Variants in TOP2B observed in about 807,000 individuals in gnomAD.
The protein encoded by TOP2B is DNA topoisomerase 2-beta.
In TOP2B, 51 loss-of-function variants were observed where a neutral mutation model predicts 193.5. That is an observed-to-expected ratio of 0.26 (90% CI 0.21 to 0.33). TOP2B has a LOEUF of 0.33. TOP2B is among the 10% of genes least tolerant of loss of function. TOP2B has a pLI of 1.00. For missense variants in TOP2B, 1,378 were observed against 1,909.3 expected, an observed-to-expected ratio of 0.72 and a Z score of 5.19; for synonymous variants, 634 against 635.7, an observed-to-expected ratio of 1.00 and a Z score of 0.04.
chr3:25,615,384 A>G (rs981852791), intron 26 of TOP2B, 47 bp downstream of exon 26: 10 of 1,537,820 alleles, frequency 6.5e-6, no homozygotes, highest in African/African-American at 4.2e-5. Context: ...AAAGATACAG[A>G]TAACACTGAA....
chr3:25,630,520 G>A, intron 11 of TOP2B, 51 bp from the exon 12 acceptor site: 3 of 1,403,926 alleles, frequency 2.1e-6, no homozygotes, highest in South Asian at 1.4e-5. Context: ...TACTTTCACT[G>A]ATGAGAAAAA....
intron 4 of TOP2B, among the ~76,000 whole-genome samples, chr3:25,639,177 A>T (rs1703187718): frequency 6.6e-6 from 1 of 152,216 alleles, no homozygotes; most frequent in Non-Finnish European, 1.5e-5. Flanking sequence ...TAAAAAAAGA[A>T]ATGTCTACAT....
intron 1 of TOP2B, among the ~76,000 whole-genome samples, chr3:25,663,916 T>C (rs2125416262): frequency 6.6e-6 from 1 of 150,826 alleles, no homozygotes; most frequent in Admixed American, 6.6e-5. Context: ...CAGGTTCGGC[T>C]GCCCCGGAAG....
At chr3:25,625,640 G>A (rs1046854484) in intron 18 of TOP2B, among the ~76,000 whole-genome samples, 4 of 152,096 alleles carry the variant, frequency 2.6e-5, no homozygotes, top group South Asian at 2.1e-4. Context: ...TAGTGTTAGT[G>A]TATTTTTACA....
intron 10 of TOP2B, among the ~76,000 whole-genome samples, chr3:25,631,985 G>C (rs947685702): frequency 6.6e-6 from 1 of 151,966 alleles, no homozygotes; most frequent in African/African-American, 2.4e-5. Flanking sequence ...CCTTATTTTA[G>C]AGAAGTTAAG....
intron 4 of TOP2B, among the ~76,000 whole-genome samples, chr3:25,640,752 C>CTTTTTTTTTTTT (rs372465937): frequency 1.9e-5 from 2 of 106,996 alleles, no homozygotes; most frequent in Non-Finnish European, 3.8e-5. Flanking sequence ...TCTTCGTTGT[C>CTTTTTTTTTTTT]TTTTTTTTTT....
chr3:25,629,047 A>C lies in TOP2B; in HGVS notation c.1788T>G (p.Thr596=). The C allele has an allele frequency of 6.3e-7, 1 of 1,595,520 alleles. No individual in the cohort carries two copies. The highest frequency in any genetic ancestry group is 8.5e-7 in the Non-Finnish European group (1 of 1,171,038). Residue 596 remains threonine, a synonymous_variant, in exon 14 of 36, where the codon ACT becomes ACG. Coordinates refer to ENST00000264331, the MANE Select transcript of TOP2B (RefSeq NM_001330700.2). ...ATGCAAAGAGTACCTTTACAATAGG[A>C]GTAATGAACTCTTCAAGAAAACCAT... The part of the protein sequence containing the change: ...LKHGFLEEFI[T]PIVKASKNKQ...
chr3:25,609,487 A>G, intron 29 of TOP2B, 81 bp downstream of exon 29: 2 of 1,507,844 alleles, frequency 1.3e-6, no homozygotes, highest in Non-Finnish European at 1.8e-6. Context: ...CCAGAAAAAG[A>G]GCACAATCAA....
chr3:25,609,864 A>G (rs576208495), intron 28 of TOP2B, among the ~76,000 whole-genome samples, 152 bp from the exon 29 acceptor site: 54 of 152,346 alleles, frequency 3.5e-4, no homozygotes, highest in Non-Finnish European at 6.0e-4. Context: ...TGATCAGACC[A>G]TGTTTTACTT....
At chr3:25,647,828 A>G (rs1310167075) in intron 1 of TOP2B, among the ~76,000 whole-genome samples, 2 of 152,226 alleles carry the variant, frequency 1.3e-5, no homozygotes, top group Non-Finnish European at 2.9e-5. Flanking sequence ...TCTAAAAAAA[A>G]CAGGTAACAT....
At chr3:25,612,473 A>G (rs755538950) in intron 28 of TOP2B, 42 bp downstream of exon 28, 2 of 1,450,888 alleles carry the variant, frequency 1.4e-6, no homozygotes, top group South Asian at 2.8e-5. Flanking sequence ...CATATATTTC[A>G]TTATAGAAAT....
In TOP2B at chr3:25,630,170, A is replaced by G. The variant is rs1194070319; in HGVS notation, c.1564-16T>C. 4 of 1,536,338 alleles carry G rather than the reference A, an allele frequency of 2.6e-6. No individual in the cohort carries two copies. The highest frequency in any genetic ancestry group is 4.9e-5 in the East Asian group (2 of 40,880). ...TTTCCATGATCTGTTCAAAAAGGAA[A>G]AGCACTGAGAGTAGTTTGAAGTGTT... On this transcript the variant is annotated splice_polypyrimidine_tract_variant and intron_variant, in intron 12 of 35. Transcript: ENST00000264331.
chr3:25,599,244 A>C (rs987564850), intron 35 of TOP2B, among the ~76,000 whole-genome samples, 191 bp downstream of exon 35: 6 of 152,164 alleles, frequency 3.9e-5, no homozygotes, highest in Non-Finnish European at 7.3e-5. Flanking sequence ...TTTATAGCAC[A>C]GTTATTTAGG....
chr3:25,644,813 G>T (rs1475798140), intron 2 of TOP2B, among the ~76,000 whole-genome samples: 2 of 151,482 alleles, frequency 1.3e-5, no homozygotes, highest in African/African-American at 4.8e-5. Flanking sequence ...TTTTTGTTTT[G>T]AGATGGAGTC....
intron 4 of TOP2B, among the ~76,000 whole-genome samples, chr3:25,639,361 T>G (rs886568898): frequency 6.7e-6 from 1 of 149,006 alleles, no homozygotes; most frequent in Non-Finnish European, 1.5e-5. Context: ...CAGGCTGGAG[T>G]GCAATGACAC....
At chr3:25,645,831 C>A (rs1285332598) in intron 1 of TOP2B, among the ~76,000 whole-genome samples, 1 of 152,152 alleles carries the variant, frequency 6.6e-6, no homozygotes, top group East Asian at 1.9e-4. Context: ...GTGATCTTGG[C>A]TCACTGCAGC....
chr3:25,619,646 G>A lies in TOP2B; in HGVS notation c.3063+216C>T, dbSNP rs115986856. ...TGTGTATCCTGTGTTTTCAAGCCCAGATGCATAAACACAGAGTTGAGAATA... is the reference window on the plus strand; with the variant it reads ...TGTGTATCCTGTGTTTTCAAGCCCAAATGCATAAACACAGAGTTGAGAATA... On this transcript the variant is annotated intron_variant, in intron 23 of 35. Transcript: ENST00000264331. 2.4e-3 allele frequency among the ~76,000 whole-genome samples: 362 copies of A among 149,332 alleles called. 4 individuals are homozygous for A. The highest frequency in any genetic ancestry group is 8.6e-3 in the African/African-American group (347 of 40,494).
At chr3:25,634,793 A>AC (rs55702752) in intron 7 of TOP2B, among the ~76,000 whole-genome samples, 14 of 146,272 alleles carry the variant, frequency 9.6e-5, no homozygotes, top group Non-Finnish European at 1.2e-4. Context: ...AAAAAAAAAA[A>AC]AAAACCAAAA....
At chr3:25,630,984 T>C (rs373110004) in intron 10 of TOP2B, 45 bp from the exon 11 acceptor site, 211 of 1,518,666 alleles carry the variant, frequency 1.4e-4, no homozygotes, top group Non-Finnish European at 1.4e-4. Context: ...TGAAAATTCA[T>C]ACATTTAGCT....
Sources: gnomAD v4.1 joint callset for allele counts (sites outside exome capture counted in the v4.1 genomes callset) on GRCh38, gnomAD v4.1.1 for gene constraint, MANE v1.5 for transcripts, NCBI Gene and HGNC (gene_info 2026-07-23, HGNC 2026-07-21) for gene names.